Variants in INTS4 observed in about 807,000 individuals in gnomAD.
INTS4 encodes the protein MSTP093.
Under a neutral mutation model 119.5 loss-of-function variants are expected in INTS4, and 70 were observed. The observed-to-expected ratio is 0.59, with a 90% CI of 0.48 to 0.71. The LOEUF is 0.71. Ranked by LOEUF, INTS4 falls within the 30% of genes least tolerant of loss-of-function variation. The pLI, the probability that INTS4 is intolerant of heterozygous loss-of-function variation, is 0.00. For synonymous variants in INTS4, 316 were observed against 419.6 expected, an observed-to-expected ratio of 0.75 and a Z score of 3.02; for missense variants, 867 against 1,173.2, an observed-to-expected ratio of 0.74 and a Z score of 3.81.
chr11:77,962,569 T>A (rs1855282624), intron 4 of INTS4, among the ~76,000 whole-genome samples: 1 of 152,204 alleles, frequency 6.6e-6, no homozygotes. Context: ...AACTCTGGAT[T>A]TCAAACTTCT....
chr11:77,888,958 C>T (rs1332296078), intron 21 of INTS4, among the ~76,000 whole-genome samples: 5 of 152,294 alleles, frequency 3.3e-5, no homozygotes, highest in African/African-American at 4.8e-5. Context: ...GAAATAGGAA[C>T]ACTTTTACAC....
chr11:77,935,678 T>C (rs1037345051), intron 10 of INTS4, among the ~76,000 whole-genome samples: 5 of 152,110 alleles, frequency 3.3e-5, no homozygotes, highest in African/African-American at 9.6e-5. Context: ...GCCGGATTGC[T>C]TGAGGCCAGG....
intron 2 of INTS4, among the ~76,000 whole-genome samples, chr11:77,988,054 TA>T (rs1465647420): frequency 2.0e-5 from 3 of 152,168 alleles, no homozygotes; most frequent in African/African-American, 7.2e-5. Context: ...TACGATTTTT[TA>T]AAAAATTTTT....
rs1590989203 is a variant in INTS4, at chr11:77,878,836, G to A, written c.*113C>T. 2.5e-6 allele frequency: 2 copies of A among 814,236 alleles called. No individual in the cohort carries two copies. The highest frequency in any genetic ancestry group is 2.4e-5 in the East Asian group (1 of 41,332). 50.4% of individuals were successfully genotyped at this position (814,236 alleles called of 1,614,324 possible). A position where few individuals can be genotyped will look rare whatever the true frequency, so the allele number is the denominator to read the frequency against. The stretch of plus-strand genomic sequence containing the variant: ...TTTGATACCAGATGAGACTGTAAGG[G>A]TCACATACTCCTTAAGCCTACACAT... On this transcript the variant is annotated 3_prime_UTR_variant, in exon 23 of 23. Coordinates refer to ENST00000534064, the MANE Select transcript of INTS4 (RefSeq NM_033547.4).
chr11:77,883,075 AAATAAT>A (rs10687244), intron 22 of INTS4, among the ~76,000 whole-genome samples: 3 of 148,330 alleles, frequency 2.0e-5, no homozygotes, highest in South Asian at 2.1e-4. Flanking sequence ...CTCCGTCTCA[AAATAAT>A]AATAATAATA....
intron 2 of INTS4, among the ~76,000 whole-genome samples, chr11:77,983,596 A>G (rs1856329124): frequency 6.6e-6 from 1 of 152,210 alleles, no homozygotes; most frequent in Admixed American, 6.5e-5. Flanking sequence ...AACATCACTA[A>G]TCATTACAGA....
At chr11:77,950,255 T>C (rs1337195290) in intron 8 of INTS4, among the ~76,000 whole-genome samples, 2 of 151,918 alleles carry the variant, frequency 1.3e-5, no homozygotes, top group Non-Finnish European at 2.9e-5. Flanking sequence ...TTAGGAGAAA[T>C]ACCTAATGTA....
chr11:77,946,747 C>A (rs1954056880), intron 8 of INTS4, among the ~76,000 whole-genome samples: 1 of 141,586 alleles, frequency 7.1e-6, no homozygotes. Context: ...GGTGACAGAG[C>A]AAGACCCTGT....
intron 7 of INTS4, among the ~76,000 whole-genome samples, chr11:77,958,127 C>T (rs1954377017): frequency 6.6e-6 from 1 of 151,996 alleles, no homozygotes; most frequent in African/African-American, 2.4e-5. Flanking sequence ...TTTATTAATT[C>T]ATTCTGGTTT....
chr11:77,951,786 G>A (rs1209393421), intron 8 of INTS4, among the ~76,000 whole-genome samples: 2 of 152,068 alleles, frequency 1.3e-5, no homozygotes, highest in Non-Finnish European at 1.5e-5. Flanking sequence ...CTAATATCCC[G>A]AATCTACAAT....
At chr11:77,885,171 G>A (rs962069382) in intron 21 of INTS4, among the ~76,000 whole-genome samples, 8 of 151,908 alleles carry the variant, frequency 5.3e-5, no homozygotes, top group Non-Finnish European at 1.0e-4. Flanking sequence ...TCCGCCTCCC[G>A]GGTTAAAGTG....
chr11:77,989,507 C>T (rs1393330694), intron 2 of INTS4, among the ~76,000 whole-genome samples: 1 of 151,938 alleles, frequency 6.6e-6, no homozygotes, highest in Non-Finnish European at 1.5e-5. Flanking sequence ...AAAAATAGAG[C>T]AAATTTGGCA....
At chr11:77,918,028 T>C (rs781504169) in intron 15 of INTS4, 22 of 701,974 alleles carry the variant, frequency 3.1e-5, no homozygotes, top group Non-Finnish European at 5.7e-5. Context: ...GTGGAGATGA[T>C]ACCTTTCTCT....
chr11:77,919,607 T>G (rs1953289689), intron 14 of INTS4, among the ~76,000 whole-genome samples: 1 of 152,206 alleles, frequency 6.6e-6, no homozygotes, highest in African/African-American at 2.4e-5. Context: ...TAAAACACTA[T>G]CTTATCTTTC....
At chr11:77,877,779 C>T (rs1951640502), downstream of INTS4, among the ~76,000 whole-genome samples, 1 of 151,518 alleles carries the variant, frequency 6.6e-6, no homozygotes, top group Non-Finnish European at 1.5e-5. Context: ...GATGGGGTCT[C>T]GCTATGTTGC....
intron 2 of INTS4, among the ~76,000 whole-genome samples, chr11:77,984,967 C>T (rs1011657355): frequency 6.7e-6 from 1 of 150,046 alleles, no homozygotes; most frequent in Non-Finnish European, 1.5e-5. Context: ...CATTCCTTAT[C>T]CATTTGGATA....
At chr11:77,993,232 T>C (rs1856769603) in intron 1 of INTS4, among the ~76,000 whole-genome samples, 1 of 152,170 alleles carries the variant, frequency 6.6e-6, no homozygotes, top group Non-Finnish European at 1.5e-5. Flanking sequence ...GGTACACCGG[T>C]AATGACAGCA....
At chr11:77,891,296 A>G in intron 21 of INTS4, 23 bp downstream of exon 21, 1 of 1,606,738 alleles carries the variant, frequency 6.2e-7, no homozygotes, top group Non-Finnish European at 8.5e-7. Flanking sequence ...TAGAAGCTCC[A>G]TGAGGACCCA....
intron 15 of INTS4, chr11:77,918,221 C>A: frequency 6.2e-6 from 4 of 643,446 alleles, no homozygotes; most frequent in South Asian, 3.1e-5. Flanking sequence ...CACTTGAGCT[C>A]AGGAGTTTGA....
Sources: allele counts gnomAD v4.1 joint callset (sites outside exome capture counted in the v4.1 genomes callset), GRCh38; gene constraint gnomAD v4.1.1; transcripts MANE v1.5; gene names NCBI Gene and HGNC (gene_info 2026-07-23, HGNC 2026-07-21).